GLIS3: variants seen among roughly 807,000 people sequenced by gnomAD.
GLIS3 encodes the protein GLIS family zinc finger 3.
Under a neutral mutation model 78.6 loss-of-function variants are expected in GLIS3, and 53 were observed. The observed-to-expected ratio is 0.67, with a 90% confidence interval of 0.54 to 0.85. The LOEUF (loss-of-function observed/expected upper bound fraction) is 0.85, where lower values mean the gene tolerates loss of function less well. GLIS3 is among the 40% of genes least tolerant of loss of function. GLIS3 has a pLI of 0.00. For synonymous variants in GLIS3, 684 were observed against 509.9 expected, an observed-to-expected ratio of 1.34 and a Z score of -4.60; for missense variants, 1,703 against 1,231.1, an observed-to-expected ratio of 1.38 and a Z score of -5.74.
chr9:4,373,035 C>G, the GLIS3 span, among the ~76,000 whole-genome samples: 1 of 152,186 alleles, frequency 6.6e-6, no homozygotes, highest in Non-Finnish European at 1.5e-5. Flanking sequence ...AAGAAAAACA[C>G]AAGTTGGAAT....
At chr9:4,384,638 C>T in the GLIS3 span, among the ~76,000 whole-genome samples, 1 of 151,912 alleles carries the variant, frequency 6.6e-6, no homozygotes, top group African/African-American at 2.4e-5. Context: ...CAAGATGCCA[C>T]CCACTGCCTT....
chr9:4,212,360 G>T (rs1046081405), intron 2 of GLIS3, among the ~76,000 whole-genome samples: 1 of 152,108 alleles, frequency 6.6e-6, no homozygotes, highest in Non-Finnish European at 1.5e-5. Flanking sequence ...GATCAATCAC[G>T]AAACCCATTC....
chr9:4,430,423 T>C, the GLIS3 span, among the ~76,000 whole-genome samples: 351 of 152,346 alleles, frequency 2.3e-3, 2 homozygotes, highest in African/African-American at 6.9e-3. Flanking sequence ...AAATAGGAGA[T>C]CAGCAGAGAA....
intron 2 of GLIS3, among the ~76,000 whole-genome samples, chr9:4,334,423 G>A (rs1337152889): frequency 6.6e-6 from 1 of 152,214 alleles, no homozygotes; most frequent in Non-Finnish European, 1.5e-5. Flanking sequence ...AAGGAAGCTG[G>A]TCAGTGCCCT....
At chr9:3,898,897 G>A (rs950606396) in intron 6 of GLIS3, 62 bp from the exon 7 acceptor site, 3 of 1,609,692 alleles carry the variant, frequency 1.9e-6, no homozygotes, top group Non-Finnish European at 2.5e-6. Context: ...TATTTTCCTG[G>A]GAAGGCATCA....
At position 3,911,946 on chromosome 9, in the gene GLIS3, A is replaced by G. The variant is rs1320314310; in HGVS notation, c.1984-13111T>C. On this transcript the variant is annotated intron_variant, in intron 6 of 10. Coordinates refer to ENST00000381971, the MANE Select transcript of GLIS3 (RefSeq NM_001042413.2). Reference sequence around the variant, plus strand: ...TTTGGGATATATTTTCTCTTTATCAACTTTTTCCTTTTGTGTACCATAGTG... The same window carrying G: ...TTTGGGATATATTTTCTCTTTATCAGCTTTTTCCTTTTGTGTACCATAGTG... Among the ~76,000 whole-genome samples the G allele has an allele frequency of 6.6e-5, 10 of 152,230 alleles. No homozygotes were observed. In the East Asian group the frequency reaches 1.2e-3, roughly 18 times the overall value.
rs1278867859 is a variant in GLIS3, at chr9:4,118,099, G to A, written c.1379C>T (p.Pro460Leu). 1.9e-6 allele frequency: 3 copies of A among 1,560,072 alleles called. No individual in the cohort carries two copies. The highest frequency in any genetic ancestry group is 1.4e-5 in the African/African-American group (1 of 73,754). The change falls in exon 4 of 11, where the codon CCC (proline) becomes CTC (leucine). Residue 460 changes from proline (P) to leucine (L), a missense_variant. Transcript: ENST00000381971. The surrounding 1 kb of genome is among the most constrained non-coding windows in gnomAD (Gnocchi z 4.7). ...PPLPPPPGPP[P>L]PYHAHAHLHH... ...AAGGTGCGCATGGGCATGGTAAGGGGGTGGGGGGCCTGGGGGCGGCGGCAG... is the reference window on the plus strand; with the variant it reads ...AAGGTGCGCATGGGCATGGTAAGGGAGTGGGGGGCCTGGGGGCGGCGGCAG...
intron 4 of GLIS3, among the ~76,000 whole-genome samples, chr9:4,044,251 C>G (rs1825067586): frequency 6.6e-6 from 1 of 152,198 alleles, no homozygotes; most frequent in African/African-American, 2.4e-5. Context: ...AAACCAGACA[C>G]TCTCCATCCC....
chr9:4,341,541 C>T (rs762073605), intron 2 of GLIS3, among the ~76,000 whole-genome samples: 3 of 152,170 alleles, frequency 2.0e-5, no homozygotes, highest in Non-Finnish European at 4.4e-5. Flanking sequence ...GACTTATTTC[C>T]CTCATTCTCT....
chr9:4,143,926 A>C (rs1480980539), intron 2 of GLIS3, among the ~76,000 whole-genome samples: 2 of 152,232 alleles, frequency 1.3e-5, no homozygotes, highest in Non-Finnish European at 2.9e-5. Context: ...CCATCTTCAG[A>C]ATTCTAGGAT....
intron 2 of GLIS3, among the ~76,000 whole-genome samples, chr9:4,206,312 G>T (rs1819875497): frequency 6.6e-6 from 1 of 152,112 alleles, no homozygotes; most frequent in African/African-American, 2.4e-5. Flanking sequence ...CTGTAATGAG[G>T]GTGTTCTAAA....
intron 4 of GLIS3, among the ~76,000 whole-genome samples, chr9:3,949,939 G>C (rs1816566157): frequency 6.6e-6 from 1 of 152,142 alleles, no homozygotes; most frequent in African/African-American, 2.4e-5. Context: ...TCCTCTGAAT[G>C]CCAAGCCCTA....
chr9:4,236,943 C>G (rs1023851739), intron 2 of GLIS3, among the ~76,000 whole-genome samples: 3 of 152,086 alleles, frequency 2.0e-5, no homozygotes, highest in African/African-American at 7.2e-5. Context: ...ATGGGCTCAG[C>G]ATCGTCTCAG....
intron 2 of GLIS3, among the ~76,000 whole-genome samples, chr9:4,328,179 C>T (rs1052978308): frequency 1.3e-5 from 2 of 152,166 alleles, no homozygotes; most frequent in African/African-American, 2.4e-5. Flanking sequence ...TTAGAATCTG[C>T]CCCAAGACCC....
At chr9:4,476,496 G>A in the GLIS3 span, among the ~76,000 whole-genome samples, 1 of 151,960 alleles carries the variant, frequency 6.6e-6, no homozygotes, top group Admixed American at 6.6e-5. Flanking sequence ...CAAGTAGCCG[G>A]GATTACAGGT....
At chr9:4,384,980 T>G in the GLIS3 span, among the ~76,000 whole-genome samples, 1 of 152,240 alleles carries the variant, frequency 6.6e-6, no homozygotes, top group African/African-American at 2.4e-5. Flanking sequence ...AGCTTCATAA[T>G]GTTGCCCAAC....
chr9:3,908,706 GTTTTTTTTTTTT>G (rs34789708), intron 6 of GLIS3, among the ~76,000 whole-genome samples: 3 of 85,562 alleles, frequency 3.5e-5, no homozygotes, highest in South Asian at 8.5e-4. Flanking sequence ...ATTTGTATTT[GTTTTTTTTTTTT>G]TTTTTTTTTT....
At chr9:4,090,554 T>A (rs1002271408) in intron 4 of GLIS3, among the ~76,000 whole-genome samples, 1 of 151,788 alleles carries the variant, frequency 6.6e-6, no homozygotes, top group African/African-American at 2.4e-5. Context: ...ACTGAACACA[T>A]AGCAGTTGGA....
chr9:3,876,047 T>C (rs1477219697), intron 8 of GLIS3, among the ~76,000 whole-genome samples: 1 of 152,198 alleles, frequency 6.6e-6, no homozygotes, highest in African/African-American at 2.4e-5. Flanking sequence ...GCACTTTATC[T>C]ACTTAGTTTA....
Sources: gnomAD v4.1 joint callset for allele counts (sites outside exome capture counted in the v4.1 genomes callset) on GRCh38, gnomAD v4.1.1 for gene constraint, Gnocchi (gnomAD v3.1) non-coding constraint, MANE v1.5 for transcripts, NCBI Gene and HGNC (gene_info 2026-07-23, HGNC 2026-07-21) for gene names.